The following FAM186A variants were observed in gnomAD, a reference collection of about 807,000 sequenced individuals.
FAM186A encodes the protein protein FAM186A.
FAM186A carries 163 observed loss-of-function variants against 216.8 expected under a neutral mutation model. The observed-to-expected ratio is 0.75, with a 90% CI of 0.66 to 0.86. The LOEUF is 0.86. Among genes scored for constraint, FAM186A ranks in the 40% least tolerant of loss-of-function variants. FAM186A has a pLI of 0.00. For missense variants in FAM186A, 2,184 were observed against 2,746.2 expected, an observed-to-expected ratio of 0.80 and a Z score of 4.58; for synonymous variants, 805 against 1,025.3, an observed-to-expected ratio of 0.79 and a Z score of 4.10.
intron 1 of FAM186A, among the ~76,000 whole-genome samples, chr12:50,374,202 G>A (rs978685645): frequency 5.2e-4 from 79 of 151,358 alleles, no homozygotes; most frequent in African/African-American, 1.8e-3. Context: ...CCTAATGCTA[G>A]ATGACGAGTT....
intron 1 of FAM186A, among the ~76,000 whole-genome samples, chr12:50,384,543 A>G (rs1943284263): frequency 6.6e-6 from 1 of 152,172 alleles, no homozygotes; most frequent in Non-Finnish European, 1.5e-5. Context: ...TGATTTCAAA[A>G]TTCAATACAA....
intron 1 of FAM186A, among the ~76,000 whole-genome samples, chr12:50,381,009 G>A (rs1161693024): frequency 3.3e-5 from 5 of 152,188 alleles, no homozygotes; most frequent in Non-Finnish European, 7.3e-5. Flanking sequence ...CTGTGAGGCT[G>A]TGGCTGGACC....
Position 50,354,447 on chromosome 12 carries a change from G to C in FAM186A, c.2385C>G (p.Ile795Met). 1 of 1,551,504 alleles carries C rather than the reference G, an allele frequency of 6.4e-7. No individual in the cohort carries two copies. Among genetic ancestry groups the C allele is most frequent in the Non-Finnish European group, 8.7e-7 (1 of 1,146,984 alleles). Reference sequence around the variant, plus strand: ...CTCTTTCACTTTCTATTTCAGCCAAGATCATTTGTATTAAATTGTTAATTA... The same window carrying C: ...CTCTTTCACTTTCTATTTCAGCCAACATCATTTGTATTAAATTGTTAATTA... ...DPVINNLIQM[I>M]LAEIESERDI... Residue 795 changes from isoleucine to methionine, a missense_variant, in exon 4 of 8, where the codon ATC becomes ATG. This residue lies in a region of FAM186A where 1,132 missense variants were observed against 1,263.4 expected (regional missense o/e 0.90). Coordinates refer to ENST00000327337, the MANE Select transcript of FAM186A (RefSeq NM_001145475.3).
Position 50,353,716 on chromosome 12 carries a change from A to T in FAM186A, c.3116T>A (p.Leu1039His). The T allele has an allele frequency of 6.5e-7, 1 of 1,544,266 alleles. No individual in the cohort carries two copies. The highest frequency in any genetic ancestry group is 8.7e-7 in the Non-Finnish European group (1 of 1,144,580). ...FQRNLKTLEN[L>H]PDEKEPISIT... is the part of the protein sequence containing the mutation. ...TGATATGGGCTCCTTTTCATCAGGA[A>T]GGTTCTCTAATGTCTTCAGATTCCT... Residue 1039 changes from leucine to histidine, a missense_variant, in exon 4 of 8, where the codon CTT becomes CAT. Physicochemically the swap from Leu to His is moderately conservative, Grantham distance 99. This residue lies in a region of FAM186A where 1,132 missense variants were observed against 1,263.4 expected (regional missense o/e 0.90). Transcript: ENST00000327337.
At position 50,351,937 on chromosome 12, in the gene FAM186A, G is replaced by A. The variant is rs200575618; in HGVS notation, c.4895C>T (p.Ala1632Val). ...GGTGAGAGTGATCCCCTGAGCCTGC[G>A]CCTGCTGAGGGGTGAGAGAGATCCC... ...ALGISLTPQQ[A>V]QAQGITLTPQ... Residue 1632 changes from alanine to valine, a missense_variant, in exon 4 of 8, where the codon GCG (alanine) becomes GTG (valine). By Grantham distance (64) the Ala-to-Val change is moderately conservative. Coordinates refer to ENST00000327337, the MANE Select transcript of FAM186A (RefSeq NM_001145475.3). The A allele has an allele frequency of 4.5e-5, 68 of 1,522,638 alleles. No homozygotes were observed. In the African/African-American group the frequency reaches 6.2e-4, roughly 14 times the overall value. The allele number at this position is 1,522,638 out of a possible 1,614,324, so 94.3% of individuals were successfully genotyped here.
intron 1 of FAM186A, among the ~76,000 whole-genome samples, chr12:50,376,121 G>C (rs1051656618): frequency 6.6e-6 from 1 of 152,204 alleles, no homozygotes; most frequent in Admixed American, 6.6e-5. Context: ...GTCTGGATGA[G>C]GGAAACTCAG....
Position 50,355,793 on chromosome 12 carries a change from A to C in FAM186A, c.1039T>G (p.Ser347Ala). ...CCAGGTAACACTTTCAAGGTTGATG[A>C]TGTGGACAATTTTGCATATAGTTGT... ...IEQLYAKLSTSSTLKVLPGPS... is the reference protein window; with the variant it reads ...IEQLYAKLSTASTLKVLPGPS... Residue 347 changes from serine (S) to alanine (A), a missense_variant, in exon 4 of 8, where the codon TCA (serine) becomes GCA (alanine). Physicochemically the swap from Ser to Ala is moderately conservative, Grantham distance 99. Transcript: ENST00000327337. 1 of 1,551,696 alleles carries C rather than the reference A, an allele frequency of 6.4e-7. No homozygotes were observed. Among genetic ancestry groups the C allele is most frequent in the South Asian group, 1.2e-5 (1 of 84,064 alleles).
In FAM186A at chr12:50,351,073, G is replaced by A. The variant is rs1942873109; in HGVS notation, c.5759C>T (p.Ser1920Phe). The A allele has an allele frequency of 6.4e-7, 1 of 1,551,376 alleles. No individual in the cohort carries two copies. The highest frequency in any genetic ancestry group is 2.4e-5 in the East Asian group (1 of 40,916). Reference sequence around the variant, plus strand: ...AGAGGTGGGAGGGATCCATAATGAAGAAGCTCGCCCAGGAAGGGTCCATGT... The same window carrying A: ...AGAGGTGGGAGGGATCCATAATGAAAAAGCTCGCCCAGGAAGGGTCCATGT... ...LATWTLPGRASSLWIPPTSRH... is the reference protein window; with the variant it reads ...LATWTLPGRAFSLWIPPTSRH... The change falls in exon 4 of 8, where the codon TCT (serine) becomes TTT (phenylalanine). Residue 1920 changes from serine (S) to phenylalanine (F), a missense_variant. Ser to Phe is a radical substitution (Grantham distance 155, BLOSUM62 -2). Coordinates refer to ENST00000327337, the MANE Select transcript of FAM186A (RefSeq NM_001145475.3).
intron 5 of FAM186A, among the ~76,000 whole-genome samples, chr12:50,332,921 G>A (rs1022422468): frequency 1.6e-4 from 24 of 151,794 alleles, no homozygotes; most frequent in African/African-American, 5.8e-4. Context: ...CCAACTACTC[G>A]GGAGGGTGAG....
chr12:50,391,438 C>T (rs1275380876), intron 1 of FAM186A, among the ~76,000 whole-genome samples: 3 of 150,998 alleles, frequency 2.0e-5, no homozygotes, highest in Non-Finnish European at 4.4e-5. Context: ...GCCTCAGCCT[C>T]CCAAGTAGCT....
chr12:50,374,880 A>G (rs763530349), intron 1 of FAM186A, among the ~76,000 whole-genome samples: 1 of 152,152 alleles, frequency 6.6e-6, no homozygotes, highest in Non-Finnish European at 1.5e-5. Context: ...AAAACTCCCA[A>G]AGAATTTACC....
At chr12:50,336,946 A>C (rs1401492043) in intron 4 of FAM186A, among the ~76,000 whole-genome samples, 1 of 151,636 alleles carries the variant, frequency 6.6e-6, no homozygotes, top group African/African-American at 2.4e-5. Flanking sequence ...CTGAGATTTT[A>C]TTTATCCATC....
chr12:50,388,981 C>G (rs534057126), intron 1 of FAM186A, among the ~76,000 whole-genome samples: 6 of 151,482 alleles, frequency 4.0e-5, no homozygotes, highest in Non-Finnish European at 7.4e-5. Flanking sequence ...GCCTGGGAGG[C>G]GTAGCGTAGG....
At chr12:50,383,830 A>G (rs868420254) in intron 1 of FAM186A, among the ~76,000 whole-genome samples, 2 of 151,824 alleles carry the variant, frequency 1.3e-5, no homozygotes, top group African/African-American at 2.4e-5. Context: ...TGAAAAAAGA[A>G]AGAAATAGGC....
chr12:50,364,748 T>A (rs949574276), intron 1 of FAM186A, among the ~76,000 whole-genome samples: 2 of 150,448 alleles, frequency 1.3e-5, no homozygotes, highest in Non-Finnish European at 3.0e-5. Flanking sequence ...AAAAATAAAA[T>A]TTTTTTTGGC....
chr12:50,377,044 C>A (rs572291525), intron 1 of FAM186A, among the ~76,000 whole-genome samples: 8 of 152,206 alleles, frequency 5.3e-5, no homozygotes, highest in African/African-American at 1.7e-4. Context: ...CCACTGCACC[C>A]AGCAGAACTG....
intron 3 of FAM186A, among the ~76,000 whole-genome samples, chr12:50,356,461 T>C (rs1942978560): frequency 6.6e-6 from 1 of 152,188 alleles, no homozygotes. Context: ...TTCTTTCTTT[T>C]TTTGTTGAGA....
chr12:50,340,289 T>C (rs1328640368), intron 4 of FAM186A, among the ~76,000 whole-genome samples: 1 of 152,180 alleles, frequency 6.6e-6, no homozygotes, highest in Non-Finnish European at 1.5e-5. Flanking sequence ...TAATCATCTC[T>C]TTGTGTGACT....
chr12:50,346,237 A>AAAGAAAGAAAGAGAGAAAG (rs1383898895), intron 4 of FAM186A, among the ~76,000 whole-genome samples: 1 of 102,184 alleles, frequency 9.8e-6, no homozygotes, highest in Non-Finnish European at 2.0e-5. Flanking sequence ...AAGAAAGAAA[A>AAAGAAAGAAAGAGAGAAAG]AAAGAAAGAA....
Sources: allele counts gnomAD v4.1 joint callset (sites outside exome capture counted in the v4.1 genomes callset), GRCh38; gene constraint gnomAD v4.1.1; regional missense constraint gnomAD v4.1.1; transcripts MANE v1.5; gene names NCBI Gene and HGNC (gene_info 2026-07-23, HGNC 2026-07-21).